OPA1: variants seen among roughly 807,000 people sequenced by gnomAD.
OPA1 encodes the protein dynamin-like GTPase OPA1, mitochondrial.
A neutral mutation model predicts 152.9 loss-of-function variants in OPA1; 59 were observed. The observed-to-expected ratio is 0.39, with a 90% CI of 0.31 to 0.48. The LOEUF is 0.48. Ranked by LOEUF, OPA1 falls within the 20% of genes least tolerant of loss-of-function variation. OPA1 has a pLI of 0.96. For missense variants in OPA1, 1,008 were observed against 1,216.8 expected (o/e 0.83, Z 2.55); for synonymous variants, 400 against 389.9 (o/e 1.03, Z -0.31).
At chr3:193,652,335 C>CT (rs930129568) in intron 21 of OPA1, among the ~76,000 whole-genome samples, 1 of 151,724 alleles carries the variant, frequency 6.6e-6, no homozygotes, top group African/African-American at 2.4e-5. Flanking sequence ...TGAGCCGAGA[C>CT]TGTGCCACTG....
At chr3:193,602,289 G>T (rs1302264539) in intron 1 of OPA1, among the ~76,000 whole-genome samples, 3 of 152,162 alleles carry the variant, frequency 2.0e-5, no homozygotes, top group Non-Finnish European at 4.4e-5. Flanking sequence ...CTGCACTGTG[G>T]GTGGTAAGAA....
chr3:193,690,114 T>G (rs2109447553), intron 29 of OPA1, among the ~76,000 whole-genome samples: 1 of 152,082 alleles, frequency 6.6e-6, no homozygotes, highest in South Asian at 2.1e-4. Flanking sequence ...GAATATTTAC[T>G]TGTTTGTCTG....
chr3:193,596,624 A>C (rs1217311549), intron 1 of OPA1, among the ~76,000 whole-genome samples: 1 of 152,044 alleles, frequency 6.6e-6, no homozygotes, highest in African/African-American at 2.4e-5. Context: ...ATGAACTTTT[A>C]AGAAAACTCT....
At chr3:193,686,062 A>C (rs1460401791) in intron 29 of OPA1, among the ~76,000 whole-genome samples, 1 of 152,238 alleles carries the variant, frequency 6.6e-6, no homozygotes, top group Non-Finnish European at 1.5e-5. Flanking sequence ...AATTTTCATC[A>C]AATGTTTCTT....
At chr3:193,638,721 G>C (rs888135266) in intron 11 of OPA1, among the ~76,000 whole-genome samples, 9 of 152,072 alleles carry the variant, frequency 5.9e-5, no homozygotes, top group Non-Finnish European at 1.0e-4. Context: ...TCACACATAG[G>C]AATTCCGCAT....
At chr3:193,682,262 C>T (rs1008496463) in intron 29 of OPA1, among the ~76,000 whole-genome samples, 1 of 152,142 alleles carries the variant, frequency 6.6e-6, no homozygotes, top group African/African-American at 2.4e-5. Flanking sequence ...TCTCCGAAAG[C>T]TGAGAGGTGA....
chr3:193,624,526 A>G (rs1002924419), intron 6 of OPA1, among the ~76,000 whole-genome samples: 2 of 152,194 alleles, frequency 1.3e-5, no homozygotes, highest in African/African-American at 4.8e-5. Context: ...TGCTTGATAA[A>G]GCAATAATTT....
At chr3:193,684,259 A>G (rs1162154530) in intron 29 of OPA1, among the ~76,000 whole-genome samples, 1 of 152,104 alleles carries the variant, frequency 6.6e-6, no homozygotes, top group Non-Finnish European at 1.5e-5. Flanking sequence ...ACATACAGCT[A>G]TTTGGTTTGG....
intron 29 of OPA1, among the ~76,000 whole-genome samples, chr3:193,677,128 CAAGTTTTAACTGATT>C (rs1719276968): frequency 6.6e-6 from 1 of 151,676 alleles, no homozygotes; most frequent in South Asian, 2.1e-4. Context: ...GCTTTAAACT[CAAGTTTTAACTGATT>C]AAGAATAAAG....
chr3:193,642,741 C>G, intron 11 of OPA1, 24 bp from the exon 12 acceptor site: 1 of 1,508,348 alleles, frequency 6.6e-7, no homozygotes, highest in East Asian at 2.3e-5. Context: ...ACATCATTAC[C>G]TCTCAGTTTT....
intron 29 of OPA1, among the ~76,000 whole-genome samples, chr3:193,684,676 C>G (rs1420139232): frequency 2.0e-5 from 3 of 152,006 alleles, no homozygotes; most frequent in Admixed American, 6.6e-5. Flanking sequence ...ATCTTGAACT[C>G]CTGACCTCAT....
chr3:193,646,970 G>C, intron 18 of OPA1, 95 bp from the exon 19 acceptor site: 1 of 745,232 alleles, frequency 1.3e-6, no homozygotes, highest in Non-Finnish European at 2.3e-6. Context: ...AGGTAAGAGT[G>C]GCTGTTAGCA....
chr3:193,659,027 G>A (rs749021186), intron 24 of OPA1, 32 bp downstream of exon 24: 2 of 1,417,888 alleles, frequency 1.4e-6, no homozygotes, highest in Non-Finnish European at 1.0e-6. Flanking sequence ...TGAGTTCTGA[G>A]TTCACAGTGG....
chr3:193,602,482 T>A (rs969739030), intron 1 of OPA1, among the ~76,000 whole-genome samples: 1 of 152,204 alleles, frequency 6.6e-6, no homozygotes, highest in African/African-American at 2.4e-5. Context: ...AGCCTTGCAG[T>A]ATTTAGTCAT....
Position 193,626,210 on chromosome 3 carries a change from A to T in OPA1, c.789+8A>T. On this transcript the variant is annotated splice_region_variant and intron_variant, in intron 7 of 30. Transcript: ENST00000361510. ...GCCCAACAGAAGCGCAAGGTGATGG[A>T]TGGTTTAAGGGGGCTACCGATACAT... 1.2e-6 allele frequency: 2 copies of T among 1,604,674 alleles called. No homozygotes were observed. Among genetic ancestry groups the T allele is most frequent in the South Asian group, 1.1e-5 (1 of 90,874 alleles).
chr3:193,656,915 A>G (rs891521220), intron 22 of OPA1, among the ~76,000 whole-genome samples, 165 bp from the exon 23 acceptor site: 4 of 152,230 alleles, frequency 2.6e-5, no homozygotes, highest in Non-Finnish European at 5.9e-5. Flanking sequence ...TGAGACCTCT[A>G]CATCATGGTT....
At chr3:193,602,430 T>C (rs1302923595) in intron 1 of OPA1, among the ~76,000 whole-genome samples, 1 of 152,214 alleles carries the variant, frequency 6.6e-6, no homozygotes, top group African/African-American at 2.4e-5. Flanking sequence ...CTTGAAATGC[T>C]TCCTTTACCT....
intron 1 of OPA1, among the ~76,000 whole-genome samples, chr3:193,601,960 GT>G (rs1726533555): frequency 6.6e-6 from 1 of 152,132 alleles, no homozygotes; most frequent in Non-Finnish European, 1.5e-5. Context: ...AGTTACCCTG[GT>G]TTTGTGCTAG....
chr3:193,682,350 T>C (rs1423782502), intron 29 of OPA1, among the ~76,000 whole-genome samples: 1 of 152,174 alleles, frequency 6.6e-6, no homozygotes, highest in Non-Finnish European at 1.5e-5. Flanking sequence ...TTCTGCAACA[T>C]GAAAGTGCAA....
Sources: allele counts gnomAD v4.1 joint callset (sites outside exome capture counted in the v4.1 genomes callset), GRCh38; gene constraint gnomAD v4.1.1; transcripts MANE v1.5; gene names NCBI Gene and HGNC (gene_info 2026-07-23, HGNC 2026-07-21).